The following CWC27 variants were observed in gnomAD, a reference collection of about 807,000 sequenced individuals.
CWC27 encodes spliceosome-associated protein CWC27 homolog.
Under a neutral mutation model 63.6 loss-of-function variants are expected in CWC27, and 47 were observed. That is an observed-to-expected ratio of 0.74 (90% confidence interval 0.58 to 0.94). The LOEUF is 0.94. Ranked by LOEUF, CWC27 falls within the 40% of genes least tolerant of loss-of-function variation. The pLI, the probability that CWC27 is intolerant of heterozygous loss-of-function variation, is 0.00. For missense variants in CWC27, 495 were observed against 554.3 expected (o/e 0.89, Z 1.07); for synonymous variants, 175 against 179.8 (o/e 0.97, Z 0.22).
At position 64,885,698 on chromosome 5, in the gene CWC27, GGTGTGTGT is replaced by G. The variant is rs143055779; in HGVS notation, c.1042+185_1042+192del. On this transcript the variant is annotated intron_variant, in intron 11 of 13. Transcript: ENST00000381070. Reference sequence around the variant, plus strand: ...TTTCTTTCCCTCCCTCTTGAGTTAGGGTGTGTGTGTGTGTGTGTGTGTGTGTGTGTGTG... The same window carrying G: ...TTTCTTTCCCTCCCTCTTGAGTTAGGGTGTGTGTGTGTGTGTGTGTGTGTG... 616 of 261,530 alleles carry G rather than the reference GGTGTGTGT, an allele frequency of 2.4e-3. 4 individuals are homozygous for G. The East Asian group carries it at 0.027, about 12-fold the overall frequency. The allele number at this position is 261,530 out of a possible 1,614,324, so 16.2% of individuals were successfully genotyped here. A position where few individuals can be genotyped will look rare whatever the true frequency, so the allele number is the denominator to read the frequency against.
chr5:64,983,863 T>C (rs1275018470), intron 13 of CWC27, among the ~76,000 whole-genome samples: 2 of 152,160 alleles, frequency 1.3e-5, no homozygotes, highest in African/African-American at 4.8e-5. Flanking sequence ...AGAGTTTTGC[T>C]CTTGTTGCCC....
At chr5:64,961,618 A>G (rs1748914195) in intron 11 of CWC27, among the ~76,000 whole-genome samples, 1 of 152,170 alleles carries the variant, frequency 6.6e-6, no homozygotes, top group Non-Finnish European at 1.5e-5. Context: ...AGCCTGTATC[A>G]TATGTTTTAC....
At chr5:64,981,779 AAC>A (rs574510152) in intron 13 of CWC27, among the ~76,000 whole-genome samples, 189 of 152,342 alleles carry the variant, frequency 1.2e-3, no homozygotes, top group African/African-American at 4.3e-3. Flanking sequence ...TAAAAATAAA[AAC>A]AGTGTGGTTT....
At chr5:64,914,387 A>C (rs566798486) in intron 11 of CWC27, among the ~76,000 whole-genome samples, 4 of 152,150 alleles carry the variant, frequency 2.6e-5, no homozygotes, top group African/African-American at 9.6e-5. Flanking sequence ...AAAATGGGAA[A>C]GGAAATATAC....
chr5:64,805,780 T>C (rs1040583926), intron 10 of CWC27, among the ~76,000 whole-genome samples: 1 of 152,120 alleles, frequency 6.6e-6, no homozygotes, highest in African/African-American at 2.4e-5. Context: ...TCATTTTTAA[T>C]GTACCTTTCA....
At chr5:64,864,791 C>T (rs749469373) in intron 10 of CWC27, among the ~76,000 whole-genome samples, 6 of 151,916 alleles carry the variant, frequency 3.9e-5, no homozygotes, top group African/African-American at 7.3e-5. Context: ...ATTGTGTATA[C>T]TTATGGGGTA....
intron 11 of CWC27, among the ~76,000 whole-genome samples, chr5:64,918,412 G>A (rs1747933317): frequency 6.6e-6 from 1 of 152,078 alleles, no homozygotes; most frequent in Non-Finnish European, 1.5e-5. Context: ...GCTGAGAGTA[G>A]GTTTTAAGTA....
chr5:64,852,492 G>C (rs1409653069), intron 10 of CWC27, among the ~76,000 whole-genome samples: 1 of 116,822 alleles, frequency 8.6e-6, no homozygotes, highest in Non-Finnish European at 1.8e-5. Context: ...TTTTTTTTTT[G>C]AGACAGTCTG....
rs1749023235 is a variant in CWC27, at chr5:64,966,844, A to G, written c.1043-4859A>G. 3.3e-5 allele frequency among the ~76,000 whole-genome samples: 5 copies of G among 152,114 alleles called. No individual in the cohort carries two copies. In the South Asian group the frequency reaches 1.0e-3, roughly 32 times the overall value. ...ATGACTAAAGAGGCTTCATTATACC[A>G]TTCTCTCTATATTTGTGTTGAAATT... On this transcript the variant is annotated intron_variant, in intron 11 of 13. Transcript: ENST00000381070.
chr5:64,920,094 T>C (rs766382566), intron 11 of CWC27, among the ~76,000 whole-genome samples: 7 of 152,160 alleles, frequency 4.6e-5, no homozygotes, highest in Non-Finnish European at 1.0e-4. Context: ...GCCTTCCGAG[T>C]AGCTGGGATT....
intron 11 of CWC27, among the ~76,000 whole-genome samples, chr5:64,959,867 A>G (rs1218629365): frequency 6.6e-6 from 1 of 152,350 alleles, no homozygotes. Context: ...ATGCTAGGCC[A>G]CAGTTCTTGC....
chr5:64,996,456 T>A (rs1286257122), intron 13 of CWC27, among the ~76,000 whole-genome samples: 1 of 152,144 alleles, frequency 6.6e-6, no homozygotes, highest in Non-Finnish European at 1.5e-5. Flanking sequence ...GTTTTTTTAG[T>A]AGAAATAAAA....
intron 1 of CWC27, among the ~76,000 whole-genome samples, chr5:64,771,756 G>A (rs988523047): frequency 2.0e-5 from 3 of 152,164 alleles, no homozygotes; most frequent in Non-Finnish European, 4.4e-5. Flanking sequence ...AAAGAGCCAA[G>A]GAGGCCTACA....
chr5:64,851,672 T>C (rs1746136318), intron 10 of CWC27, among the ~76,000 whole-genome samples: 1 of 152,196 alleles, frequency 6.6e-6, no homozygotes. Flanking sequence ...TTTATACAAT[T>C]ATAAATTATC....
At chr5:64,934,026 T>C (rs955342234) in intron 11 of CWC27, among the ~76,000 whole-genome samples, 4 of 152,214 alleles carry the variant, frequency 2.6e-5, no homozygotes, top group Non-Finnish European at 5.9e-5. Flanking sequence ...GAAAGTATAG[T>C]TATAGAGAGA....
intron 7 of CWC27, among the ~76,000 whole-genome samples, chr5:64,791,414 A>C (rs974814673): frequency 6.6e-6 from 1 of 152,128 alleles, no homozygotes; most frequent in East Asian, 1.9e-4. Flanking sequence ...TTTGCGTTTC[A>C]GATTGAAATG....
intron 11 of CWC27, among the ~76,000 whole-genome samples, chr5:64,952,769 C>T (rs986367182): frequency 6.6e-6 from 1 of 151,988 alleles, no homozygotes; most frequent in Admixed American, 6.6e-5. Flanking sequence ...CTACACTTTC[C>T]CTTTAGAAGC....
intron 2 of CWC27, among the ~76,000 whole-genome samples, chr5:64,780,726 A>G (rs1743654671): frequency 6.6e-6 from 1 of 150,920 alleles, no homozygotes; most frequent in Non-Finnish European, 1.5e-5. Context: ...CACCGGAATC[A>G]TAATTGCTGG....
At chr5:64,908,987 T>G (rs1253953565) in intron 11 of CWC27, among the ~76,000 whole-genome samples, 1 of 152,194 alleles carries the variant, frequency 6.6e-6, no homozygotes, top group Non-Finnish European at 1.5e-5. Context: ...ATCGATGGTC[T>G]TTACAATTTG....
Sources: gnomAD v4.1 joint callset for allele counts (sites outside exome capture counted in the v4.1 genomes callset) on GRCh38, gnomAD v4.1.1 for gene constraint, MANE v1.5 for transcripts, NCBI Gene and HGNC (gene_info 2026-07-23, HGNC 2026-07-21) for gene names.